Variants in COL4A6 observed in about 807,000 individuals in gnomAD.
The protein encoded by COL4A6 is collagen type IV alpha 6 chain, also known as collagen alpha-6(IV) chain.
In COL4A6, 59 loss-of-function variants were observed where a neutral mutation model predicts 126.7. The ratio of observed to expected loss-of-function variants is 0.47; its 90% confidence interval spans 0.38 to 0.58. The LOEUF is 0.58. Ranked by LOEUF, COL4A6 falls within the 20% of genes least tolerant of loss-of-function variation. COL4A6 has a pLI of 0.00. For synonymous variants in COL4A6, 547 were observed against 496.6 expected (o/e 1.10, Z -1.35); for missense variants, 1,285 against 1,337.3 (o/e 0.96, Z 0.61).
chrX:108,382,904 T>C (rs911850775), intron 2 of COL4A6, among the ~76,000 whole-genome samples: 3 of 106,661 alleles, frequency 2.8e-5, no homozygotes, highest in Non-Finnish European at 5.8e-5. Flanking sequence ...GCGGAGATCA[T>C]GCCACTGTAC....
At chrX:108,361,491 T>C (rs1233222795) in intron 2 of COL4A6, among the ~76,000 whole-genome samples, 1 of 111,452 alleles carries the variant, frequency 9.0e-6, no homozygotes, top group South Asian at 3.8e-4. Context: ...TGAACACTTG[T>C]GGTAAATAGA....
chrX:108,288,631 G>A (rs1459337945), intron 3 of COL4A6, among the ~76,000 whole-genome samples: 1 of 110,789 alleles, frequency 9.0e-6, no homozygotes, highest in Non-Finnish European at 1.9e-5. Context: ...CTTAGTGCCA[G>A]CTTATTTTTA....
chrX:108,364,232 C>A (rs1603167247), intron 2 of COL4A6, among the ~76,000 whole-genome samples: 1 of 110,022 alleles, frequency 9.1e-6, no homozygotes, highest in African/African-American at 3.3e-5. Flanking sequence ...TGCCTACAAC[C>A]TTGAGAAGAA....
chrX:108,179,291 G>A lies in COL4A6; in HGVS notation c.2279C>T (p.Pro760Leu), dbSNP rs748053583. 1.9e-5 allele frequency: 23 copies of A among 1,209,331 alleles called. No homozygotes were observed. Among genetic ancestry groups the A allele is most frequent in the South Asian group, 3.5e-5 (2 of 56,734 alleles). The part of the protein sequence containing the change: ...GDIFGAENGA[P>L]GEQGLQGLTG... The stretch of plus-strand genomic sequence containing the variant: ...TAATCCTTGTAGGCCTTGTTCCCCC[G>A]GAGCACCATTTTCAGCACCAAAGAT... Residue 760 changes from proline (P) to leucine (L), a missense_variant, in exon 26 of 45, where the codon CCG becomes CTG. Coordinates refer to ENST00000334504, the MANE Select transcript of COL4A6 (RefSeq NM_033641.4).
intron 2 of COL4A6, among the ~76,000 whole-genome samples, chrX:108,316,480 T>G (rs2038883132): frequency 8.9e-6 from 1 of 111,822 alleles, no homozygotes; most frequent in Admixed American, 9.5e-5. Context: ...TGTTATTTTA[T>G]ATAAGGAAGT....
intron 3 of COL4A6, among the ~76,000 whole-genome samples, chrX:108,303,073 T>C (rs1323920040): frequency 4.7e-5 from 5 of 107,148 alleles, no homozygotes; most frequent in Non-Finnish European, 9.6e-5. Flanking sequence ...GATGCCTCTA[T>C]AAAGTACATT....
At chrX:108,159,912 AT>A (rs2033866899) in intron 43 of COL4A6, 164 bp from the exon 44 acceptor site, 1 of 552,332 alleles carries the variant, frequency 1.8e-6, no homozygotes, top group Non-Finnish European at 3.2e-6. Flanking sequence ...AGCAAATTCT[AT>A]TTTAAATGCA....
chrX:108,246,796 G>T (rs1308323885), intron 3 of COL4A6, among the ~76,000 whole-genome samples: 9 of 110,620 alleles, frequency 8.1e-5, no homozygotes, highest in Non-Finnish European at 1.5e-4. Context: ...GACAGGAAGG[G>T]GGGTATCTGA....
In COL4A6 at chrX:108,323,819, C is replaced by T. The variant is rs1178497958; in HGVS notation, c.64-12991G>A. Among the ~76,000 whole-genome samples, 3 of 112,229 alleles carry T rather than the reference C, an allele frequency of 2.7e-5. No individual in the cohort carries two copies. In the East Asian group the frequency reaches 8.4e-4, roughly 31 times the overall value. ...TCACTCTAACAGCCTTCCTTTTTGA[C>T]TACTTTAGAGAAACTGTGGCAATAG... On this transcript the variant is annotated intron_variant, in intron 2 of 44. Transcript: ENST00000334504.
chrX:108,216,289 C>T (rs2035854315), intron 5 of COL4A6, among the ~76,000 whole-genome samples: 1 of 111,892 alleles, frequency 8.9e-6, no homozygotes, highest in African/African-American at 3.2e-5. Flanking sequence ...CCAGCTGATA[C>T]CAAGGAATGG....
At chrX:108,393,253 G>A (rs1473998107) in intron 2 of COL4A6, among the ~76,000 whole-genome samples, 1 of 111,828 alleles carries the variant, frequency 8.9e-6, no homozygotes, top group Non-Finnish European at 1.9e-5. Flanking sequence ...ACCGATGAAT[G>A]GATAAACAAA....
At chrX:108,329,210 T>C (rs755257252) in intron 2 of COL4A6, among the ~76,000 whole-genome samples, 7 of 111,294 alleles carry the variant, frequency 6.3e-5, no homozygotes, top group Admixed American at 1.9e-4. Flanking sequence ...ATAGCTAGAA[T>C]AGAGGAATTT....
intron 2 of COL4A6, among the ~76,000 whole-genome samples, chrX:108,386,851 C>A (rs191106876): frequency 8.9e-6 from 1 of 111,861 alleles, no homozygotes; most frequent in Non-Finnish European, 1.9e-5. Flanking sequence ...GGTTTTAGGT[C>A]TTATGCTTAA....
rs12390371 is a variant in COL4A6, at chrX:108,209,987, A to C, written c.528T>G (p.Pro176=). The change falls in exon 8 of 45, where the codon CCT becomes CCG. Residue 176 remains proline, a synonymous_variant. Transcript: ENST00000334504. ...AACTTACAGTGATTCCATCCAGTCC[A>C]GGCAGCCCAGGATCCCCCTGAGAAA... is the stretch of plus-strand genomic sequence containing the variant. The part of the protein sequence containing the change: ...FKGMKGDPGL[P]GLDGITGPQG... 5.0e-4 allele frequency: 599 copies of C among 1,208,592 alleles called. 5 individuals carry two copies. The African/African-American group carries it at 9.3e-3, about 19-fold the overall frequency.
At chrX:108,341,476 G>A (rs2039562712) in intron 2 of COL4A6, among the ~76,000 whole-genome samples, 1 of 110,721 alleles carries the variant, frequency 9.0e-6, no homozygotes, top group African/African-American at 3.3e-5. Flanking sequence ...CAGACATGAT[G>A]GTTTTATAAG....
At chrX:108,271,742 G>A (rs748777592) in intron 3 of COL4A6, among the ~76,000 whole-genome samples, 18 of 111,687 alleles carry the variant, frequency 1.6e-4, no homozygotes, top group Non-Finnish European at 2.6e-4. Context: ...CTCTATTGGC[G>A]GTTGTGATTG....
rs2039729195 is a variant in COL4A6 at position 108,347,207 on chromosome X, TAC to T, written c.64-36381_64-36380del. Among the ~76,000 whole-genome samples, 3 of 111,624 alleles carry T rather than the reference TAC, an allele frequency of 2.7e-5. No homozygotes were observed. In the Admixed American group the frequency reaches 2.8e-4, roughly 11 times the overall value. ...AGGGAGCACTCACACACCACCCACT[TAC>T]ACTAGGACAACTTAGACACCTCATG... On this transcript the variant is annotated intron_variant, in intron 2 of 44. Transcript: ENST00000334504.
At chrX:108,167,533 A>G (rs2034166492) in intron 37 of COL4A6, among the ~76,000 whole-genome samples, 1 of 110,769 alleles carries the variant, frequency 9.0e-6, no homozygotes, top group South Asian at 3.9e-4. Flanking sequence ...ACAGGGTTTT[A>G]CCATGTTACC....
At chrX:108,179,169 T>C (rs2034595244) in intron 26 of COL4A6, 48 bp downstream of exon 26, 2 of 1,101,714 alleles carry the variant, frequency 1.8e-6, no homozygotes, top group South Asian at 1.9e-5. Context: ...TACGAATTAA[T>C]ATAAGGCTTT....
Sources: allele counts gnomAD v4.1 joint callset (sites outside exome capture counted in the v4.1 genomes callset), GRCh38; gene constraint gnomAD v4.1.1; transcripts MANE v1.5; gene names NCBI Gene and HGNC (gene_info 2026-07-23, HGNC 2026-07-21).